Variants in APP observed in about 807,000 individuals in gnomAD.
APP encodes amyloid beta precursor protein.
A neutral mutation model predicts 101.4 loss-of-function variants in APP; 31 were observed. The observed-to-expected ratio is 0.31, with a 90% confidence interval of 0.23 to 0.41. The LOEUF is 0.41. APP is among the 10% of genes least tolerant of loss of function. APP has a pLI of 1.00. For missense variants in APP, 839 were observed against 1,003.7 expected, an observed-to-expected ratio of 0.84 and a Z score of 2.22; for synonymous variants, 366 against 364.4, an observed-to-expected ratio of 1.00 and a Z score of -0.05.
intron 3 of APP, among the ~76,000 whole-genome samples, chr21:26,081,038 TTA>T (rs2146077471): frequency 6.6e-6 from 1 of 152,304 alleles, no homozygotes; most frequent in African/African-American, 2.4e-5. Context: ...TTTTAATAGA[TTA>T]TATGTTACAT....
intron 13 of APP, among the ~76,000 whole-genome samples, chr21:25,935,468 G>A (rs1035926790): frequency 6.6e-6 from 1 of 152,124 alleles, no homozygotes; most frequent in African/African-American, 2.4e-5. Flanking sequence ...GCTTGGTTAT[G>A]GGTTTGTCAC....
intron 6 of APP, among the ~76,000 whole-genome samples, chr21:26,006,750 G>A (rs1393007857): frequency 6.6e-6 from 1 of 152,158 alleles, no homozygotes. Context: ...CAACCAGAAT[G>A]GGGAGAAAAT....
At chr21:25,953,945 C>T (rs1007826504) in intron 13 of APP, among the ~76,000 whole-genome samples, 2 of 152,144 alleles carry the variant, frequency 1.3e-5, no homozygotes, top group African/African-American at 4.8e-5. Flanking sequence ...ACTATTTTTC[C>T]AAGTTCTTGT....
At position 25,986,927 on chromosome 21, in the gene APP, C is replaced by T. The variant is rs2042662201; in HGVS notation, c.1091-4450G>A. On this transcript the variant is annotated intron_variant, in intron 8 of 17. Coordinates refer to ENST00000346798, the MANE Select transcript of APP (RefSeq NM_000484.4). ...AGGCAAAACACTATCATTTAACATACCCATTTGCATCCCTAAACACACACA... is the reference window on the plus strand; with the variant it reads ...AGGCAAAACACTATCATTTAACATATCCATTTGCATCCCTAAACACACACA... Among the ~76,000 whole-genome samples the T allele has an allele frequency of 2.0e-5, 3 of 152,278 alleles. No individual in the cohort carries two copies. In the South Asian group the frequency reaches 6.2e-4, roughly 32 times the overall value.
intron 9 of APP, among the ~76,000 whole-genome samples, chr21:25,979,673 T>A (rs2042351301): frequency 6.6e-6 from 1 of 152,158 alleles, no homozygotes; most frequent in Non-Finnish European, 1.5e-5. Flanking sequence ...TACACAGATG[T>A]GCTAAAAGTT....
chr21:25,991,201 G>A (rs897587467), intron 8 of APP, among the ~76,000 whole-genome samples: 2 of 150,258 alleles, frequency 1.3e-5, no homozygotes, highest in East Asian at 2.0e-4. Flanking sequence ...AAAAAACTAC[G>A]TATTGGGTAC....
intron 7 of APP, 145 bp downstream of exon 7, chr21:25,999,870 G>A (rs888959568): frequency 4.3e-6 from 4 of 936,724 alleles, no homozygotes; most frequent in Non-Finnish European, 6.7e-6. Flanking sequence ...CGGAGACTCT[G>A]AGCAATTAGA....
intron 3 of APP, among the ~76,000 whole-genome samples, chr21:26,066,302 AC>A (rs1424292896): frequency 2.0e-5 from 3 of 152,166 alleles, no homozygotes; most frequent in Non-Finnish European, 4.4e-5. Flanking sequence ...ATTTTAAGTT[AC>A]AAGTTATTGC....
chr21:25,975,019 T>A, intron 11 of APP, 51 bp downstream of exon 11: 2 of 1,611,836 alleles, frequency 1.2e-6, no homozygotes, highest in Non-Finnish European at 1.7e-6. Context: ...GCCCCACCCT[T>A]ACTGTCTGTG....
rs149479719 is a variant in APP, at chr21:25,968,770, C to G, written c.1458+6300G>C. Among the ~76,000 whole-genome samples, 585 of 152,168 alleles carry G rather than the reference C, an allele frequency of 3.8e-3. 5 individuals carry two copies. The highest frequency in any genetic ancestry group is 0.013 in the African/African-American group (559 of 41,506). On this transcript the variant is annotated intron_variant, in intron 11 of 17. Transcript: ENST00000346798. The stretch of plus-strand genomic sequence containing the variant: ...AAACAATCCACATTGTTTTGGAATC[C>G]CGTGTTTGCAAAGTCTGAGAATATA...
At chr21:26,120,094 C>CT (rs2062531920) in intron 1 of APP, among the ~76,000 whole-genome samples, 1 of 152,162 alleles carries the variant, frequency 6.6e-6, no homozygotes, top group Non-Finnish European at 1.5e-5. Flanking sequence ...GACCCTTGAG[C>CT]TTGTGGGCTA....
intron 2 of APP, among the ~76,000 whole-genome samples, chr21:26,111,014 C>G (rs1287038546): frequency 7.7e-6 from 1 of 129,140 alleles, no homozygotes; most frequent in African/African-American, 3.0e-5. Context: ...AGCAAAAAGA[C>G]TACAAAGAAT....
intron 6 of APP, among the ~76,000 whole-genome samples, chr21:26,007,405 A>T (rs1278300911): frequency 6.8e-6 from 1 of 147,462 alleles, no homozygotes; most frequent in African/African-American, 2.4e-5. Flanking sequence ...TAAAAACTTT[A>T]TAATTTATAA....
intron 2 of APP, among the ~76,000 whole-genome samples, chr21:26,111,690 T>C (rs1350411228): frequency 6.6e-6 from 1 of 152,030 alleles, no homozygotes; most frequent in Admixed American, 6.6e-5. Context: ...TAAGCCATAA[T>C]CTTGCCACTG....
intron 6 of APP, among the ~76,000 whole-genome samples, chr21:26,004,130 A>C (rs541894086): frequency 3.3e-5 from 5 of 152,332 alleles, no homozygotes; most frequent in African/African-American, 1.2e-4. Context: ...ATAAGCACAC[A>C]AGAAATGGCC....
intron 5 of APP, among the ~76,000 whole-genome samples, chr21:26,038,109 A>G (rs1369601453): frequency 1.3e-5 from 2 of 152,182 alleles, no homozygotes; most frequent in African/African-American, 4.8e-5. Flanking sequence ...CTTCATTTTT[A>G]TAGCAGTTTT....
intron 5 of APP, among the ~76,000 whole-genome samples, chr21:26,042,919 A>C (rs1318896993): frequency 1.3e-5 from 2 of 152,184 alleles, no homozygotes; most frequent in African/African-American, 4.8e-5. Context: ...GTCTCCTAAA[A>C]AAAAAAATCA....
intron 5 of APP, among the ~76,000 whole-genome samples, chr21:26,041,012 C>T (rs1372594314): frequency 6.6e-6 from 1 of 152,134 alleles, no homozygotes; most frequent in Non-Finnish European, 1.5e-5. Context: ...TAGTTAGCTC[C>T]CACTTGGGAC....
intron 11 of APP, among the ~76,000 whole-genome samples, chr21:25,965,485 C>G (rs971180237): frequency 3.3e-5 from 5 of 152,196 alleles, no homozygotes; most frequent in Admixed American, 6.5e-5. Context: ...TTTAATTTTA[C>G]CCTCTCCTCT....
Sources: allele counts gnomAD v4.1 joint callset (sites outside exome capture counted in the v4.1 genomes callset), GRCh38; gene constraint gnomAD v4.1.1; transcripts MANE v1.5; gene names NCBI Gene and HGNC (gene_info 2026-07-23, HGNC 2026-07-21).